Variants in SLC25A48 observed in about 807,000 individuals in gnomAD.
SLC25A48 encodes solute carrier family 25 member 48, also known as CTC-321K16.1.
Under a neutral mutation model 32.2 loss-of-function variants are expected in SLC25A48, and 29 were observed. That is an observed-to-expected ratio of 0.90 (90% CI 0.67 to 1.23). The LOEUF is 1.23. SLC25A48 is among the 50% of genes most tolerant of loss of function. The pLI, the probability that SLC25A48 is intolerant of heterozygous loss-of-function variation, is 0.00. For missense variants in SLC25A48, 399 were observed against 422.7 expected (o/e 0.94, Z 0.49); for synonymous variants, 164 against 172.3 (o/e 0.95, Z 0.38).
intron 3 of SLC25A48, among the ~76,000 whole-genome samples, chr5:135,773,710 A>G (rs771975612): frequency 3.3e-5 from 5 of 151,324 alleles, no homozygotes; most frequent in South Asian, 2.1e-4. Flanking sequence ...ATTACTCCTA[A>G]TATCGCAGGG....
At chr5:135,808,366 C>T (rs1263475751) in intron 3 of SLC25A48, among the ~76,000 whole-genome samples, 4 of 151,704 alleles carry the variant, frequency 2.6e-5, no homozygotes. Context: ...TTAATTATAT[C>T]TGGGGAGGCT....
At chr5:135,654,008 G>A (rs780047304) in intron 3 of SLC25A48, 6 of 427,068 alleles carry the variant, frequency 1.4e-5, no homozygotes, top group African/African-American at 1.0e-4. Flanking sequence ...TAGAGCCCCT[G>A]TTTCTTAGTG....
chr5:135,660,405 A>G (rs1753369860), intron 3 of SLC25A48, among the ~76,000 whole-genome samples: 1 of 152,192 alleles, frequency 6.6e-6, no homozygotes, highest in Admixed American at 6.5e-5. Flanking sequence ...AAGACATGGT[A>G]TTCATCAGGT....
At chr5:135,747,925 C>G (rs1755677698) in intron 3 of SLC25A48, among the ~76,000 whole-genome samples, 1 of 152,270 alleles carries the variant, frequency 6.6e-6, no homozygotes, top group Non-Finnish European at 1.5e-5. Context: ...CGACTGGTGG[C>G]AGGGGAACCA....
intron 1 of SLC25A48, among the ~76,000 whole-genome samples, chr5:135,585,881 T>C (rs1019080790): frequency 3.3e-5 from 5 of 152,334 alleles, no homozygotes; most frequent in African/African-American, 1.2e-4. Context: ...TAAATGTTCA[T>C]TCTTGTTTTA....
At chr5:135,706,961 T>C (rs1754526743) in intron 3 of SLC25A48, among the ~76,000 whole-genome samples, 2 of 152,138 alleles carry the variant, frequency 1.3e-5, no homozygotes, top group African/African-American at 2.4e-5. Flanking sequence ...ATAGGCCAGG[T>C]AGAGGAAAGC....
intron 3 of SLC25A48, among the ~76,000 whole-genome samples, chr5:135,699,012 T>A (rs2126964499): frequency 6.6e-6 from 1 of 152,112 alleles, no homozygotes; most frequent in South Asian, 2.1e-4. Flanking sequence ...CCCAATAGAA[T>A]GATGAAAATA....
chr5:135,628,966 T>A (rs1032586135), intron 1 of SLC25A48, among the ~76,000 whole-genome samples: 3 of 152,344 alleles, frequency 2.0e-5, no homozygotes, highest in African/African-American at 7.2e-5. Flanking sequence ...CAAGGATATA[T>A]GTCCACAGCA....
At chr5:135,706,765 G>A (rs1483301431) in intron 3 of SLC25A48, among the ~76,000 whole-genome samples, 1 of 152,176 alleles carries the variant, frequency 6.6e-6, no homozygotes, top group African/African-American at 2.4e-5. Flanking sequence ...GTGCAGACAG[G>A]TCTCATCTCC....
At chr5:135,583,725 C>T (rs1275951081) in intron 1 of SLC25A48, among the ~76,000 whole-genome samples, 2 of 152,162 alleles carry the variant, frequency 1.3e-5, no homozygotes, top group East Asian at 3.9e-4. Context: ...GCCCCATCAC[C>T]ACTCATGACA....
chr5:135,592,321 A>C (rs1751545819), intron 1 of SLC25A48, among the ~76,000 whole-genome samples: 1 of 152,150 alleles, frequency 6.6e-6, no homozygotes, highest in Non-Finnish European at 1.5e-5. Context: ...TATCAGGAAC[A>C]GGTGTTTTCT....
chr5:135,613,938 C>G (rs1752129795), intron 1 of SLC25A48, among the ~76,000 whole-genome samples: 1 of 152,046 alleles, frequency 6.6e-6, no homozygotes. Context: ...TTTTATGATT[C>G]CATATGAATT....
intron 3 of SLC25A48, among the ~76,000 whole-genome samples, chr5:135,760,820 G>A (rs1464236915): frequency 1.3e-5 from 2 of 152,138 alleles, no homozygotes; most frequent in Non-Finnish European, 2.9e-5. Context: ...GATAAAATAT[G>A]ATCTCTACTT....
intron 3 of SLC25A48, among the ~76,000 whole-genome samples, chr5:135,782,076 C>A (rs547913758): frequency 8.7e-6 from 1 of 114,930 alleles, no homozygotes; most frequent in African/African-American, 2.6e-5. Context: ...GTTTTTAATA[C>A]CCAGGGCAGA....
intron 3 of SLC25A48, among the ~76,000 whole-genome samples, chr5:135,708,920 G>A (rs531116393): frequency 1.3e-5 from 2 of 152,268 alleles, no homozygotes; most frequent in African/African-American, 2.4e-5. Flanking sequence ...CCCTTTCCTT[G>A]TAGAATATGA....
intron 7 of SLC25A48, among the ~76,000 whole-genome samples, chr5:135,885,770 A>G (rs1396145762): frequency 2.0e-5 from 3 of 152,238 alleles, no homozygotes; most frequent in Admixed American, 6.5e-5. Flanking sequence ...GTAATAATGA[A>G]AATTCAGAAA....
At chr5:135,807,863 T>C (rs942617048) in intron 3 of SLC25A48, among the ~76,000 whole-genome samples, 3 of 150,468 alleles carry the variant, frequency 2.0e-5, no homozygotes, top group African/African-American at 4.8e-5. Flanking sequence ...ATAAATATCA[T>C]AGATATTTTC....
chr5:135,771,229 T>C (rs1162578545), intron 3 of SLC25A48, among the ~76,000 whole-genome samples: 2 of 151,496 alleles, frequency 1.3e-5, no homozygotes, highest in Admixed American at 6.6e-5. Context: ...GAAGGTGATA[T>C]TACTCCCCAT....
At chr5:135,881,926 T>C (rs1443826232) in intron 7 of SLC25A48, among the ~76,000 whole-genome samples, 1 of 152,238 alleles carries the variant, frequency 6.6e-6, no homozygotes, top group African/African-American at 2.4e-5. Context: ...AAGATGGTTT[T>C]AATGCCAAGA....
Sources: allele counts gnomAD v4.1 joint callset (sites outside exome capture counted in the v4.1 genomes callset), GRCh38; gene constraint gnomAD v4.1.1; transcripts MANE v1.5; gene names NCBI Gene and HGNC (gene_info 2026-07-23, HGNC 2026-07-21).